The following AMOTL2 variants were observed in gnomAD, a reference collection of about 807,000 sequenced individuals.
The protein encoded by AMOTL2 is angiomotin-like protein 2.
In AMOTL2, 33 loss-of-function variants were observed where a neutral mutation model predicts 78.4. The observed-to-expected ratio is 0.42, with a 90% confidence interval of 0.32 to 0.56. The LOEUF (loss-of-function observed/expected upper bound fraction) is 0.56. Ranked by LOEUF, AMOTL2 falls within the 20% of genes least tolerant of loss-of-function variation. The pLI is 0.12. For missense variants in AMOTL2, 983 were observed against 1,030.1 expected, an observed-to-expected ratio of 0.95 and a Z score of 0.63; for synonymous variants, 422 against 428.8, an observed-to-expected ratio of 0.98 and a Z score of 0.20.
intron 6 of AMOTL2, among the ~76,000 whole-genome samples, chr3:134,360,913 C>A (rs2017328134): frequency 6.6e-6 from 1 of 152,226 alleles, no homozygotes; most frequent in South Asian, 2.1e-4. Flanking sequence ...GTGGCTCATG[C>A]CTGTAATCCC....
chr3:134,362,865 G>C (rs371823459), intron 5 of AMOTL2, among the ~76,000 whole-genome samples: 4 of 152,142 alleles, frequency 2.6e-5, no homozygotes, highest in Non-Finnish European at 4.4e-5. Flanking sequence ...AGAGCAGGTG[G>C]GGGGCAGGGC....
At chr3:134,370,409 T>C (rs540258961) in intron 2 of AMOTL2, among the ~76,000 whole-genome samples, 32 of 152,232 alleles carry the variant, frequency 2.1e-4, no homozygotes, top group Admixed American at 4.6e-4. Context: ...AAATCTAACC[T>C]TTAACCCCCT....
chr3:134,374,913 G>A, upstream of AMOTL2: 1 of 1,274,676 alleles, frequency 7.8e-7, no homozygotes, highest in Non-Finnish European at 9.9e-7. Context: ...GTGTGTGTGT[G>A]TGTGTGTGTG....
chr3:134,373,222 A>C lies in AMOTL2; in HGVS notation c.-62+1120T>G, dbSNP rs182417630. Among the ~76,000 whole-genome samples the C allele has an allele frequency of 7.8e-4, 118 of 152,088 alleles. 1 individual carries two copies. The highest frequency in any genetic ancestry group is 1.2e-3 in the Non-Finnish European group (84 of 67,996). On this transcript the variant is annotated intron_variant, in intron 1 of 9. Coordinates refer to ENST00000249883, the MANE Select transcript of AMOTL2 (RefSeq NM_016201.4). The stretch of plus-strand genomic sequence containing the variant: ...ACCCGAGGCAAAGCAAGCAAATGGG[A>C]TTCAATTCGTATGGGATTCAGTTCG...
rs1445771301 is a variant in AMOTL2 at position 134,368,270 on chromosome 3, G to A, written c.735-467C>T. 2.0e-5 allele frequency among the ~76,000 whole-genome samples: 3 copies of A among 152,284 alleles called. No homozygotes were observed. In the East Asian group the frequency reaches 5.8e-4, roughly 29 times the overall value. On this transcript the variant is annotated intron_variant, in intron 2 of 9. Transcript: ENST00000249883. Reference sequence around the variant, plus strand: ...ACCTTCCAGGCCCCAGGACAACTTTGGTGGCTGGGCCCCAGCAGCAACCTT... The same window carrying A: ...ACCTTCCAGGCCCCAGGACAACTTTAGTGGCTGGGCCCCAGCAGCAACCTT...
chr3:134,358,497 C>G (rs768856446), intron 9 of AMOTL2, 43 bp downstream of exon 9: 1 of 1,581,150 alleles, frequency 6.3e-7, no homozygotes, highest in African/African-American at 1.4e-5. Flanking sequence ...CCCAGTGCCC[C>G]CTCGGCCCTA....
At chr3:134,357,948 C>A (rs2017145639) in intron 9 of AMOTL2, among the ~76,000 whole-genome samples, 185 bp from the exon 10 acceptor site, 2 of 152,228 alleles carry the variant, frequency 1.3e-5, no homozygotes, top group Admixed American at 1.3e-4. Context: ...GCCCAGCCCA[C>A]CAACCTCCGA....
At chr3:134,366,713 C>T (rs2017621313) in intron 3 of AMOTL2, 1 of 335,010 alleles carries the variant, frequency 3.0e-6, no homozygotes, top group African/African-American at 2.1e-5. Context: ...GGTGACTAAA[C>T]ACAGCTTCCC....
Position 134,371,452 on chromosome 3 carries a change from C to G in AMOTL2, c.-19G>C. On this transcript the variant is annotated 5_prime_UTR_variant, in exon 2 of 10. Coordinates refer to ENST00000249883, the MANE Select transcript of AMOTL2 (RefSeq NM_016201.4). ...TCCTCATGCTTCTTTGGCTTGCACA[C>G]AGCTGCCTGGACAATGGCCGGTGGC... 3.1e-6 allele frequency: 5 copies of G among 1,598,162 alleles called. No homozygotes were observed. The highest frequency in any genetic ancestry group is 1.7e-4 in the Middle Eastern group (1 of 5,970).
intron 3 of AMOTL2, chr3:134,366,754 C>T (rs752349918): frequency 1.3e-5 from 3 of 228,110 alleles, no homozygotes; most frequent in Non-Finnish European, 2.5e-5. Context: ...AAACATTCTA[C>T]TCTTGGCTGG....
At position 134,358,658 on chromosome 3, in the gene AMOTL2, G is replaced by A. The variant is rs138321477; in HGVS notation, c.2166C>T (p.His722=). 161 of 1,613,780 alleles carry A rather than the reference G, an allele frequency of 1.0e-4. 1 individual carries two copies. The African/African-American group carries it at 1.3e-3, about 13-fold the overall frequency. ...VTAPPAAHAK[H]GSRDGSTQTE... ...TCTGGGTGCTCCCATCTCTGCTCCC[G>A]TGTTTGGCATGGGCAGCAGGGGGAG... Residue 722 remains histidine (H), a synonymous_variant, in exon 9 of 10, where the codon CAC becomes CAT. Transcript: ENST00000249883.
intron 2 of AMOTL2, 117 bp downstream of exon 2, chr3:134,370,583 G>A: frequency 7.6e-7 from 1 of 1,309,604 alleles, no homozygotes. Flanking sequence ...TCTCAGGTTG[G>A]AGGTGGGGTG....
At chr3:134,366,026 G>A in intron 4 of AMOTL2, 117 bp from the exon 5 acceptor site, 2 of 1,194,694 alleles carry the variant, frequency 1.7e-6, no homozygotes, top group Non-Finnish European at 2.4e-6. Flanking sequence ...GGTTCATAAG[G>A]AAACCCCAGC....
intron 3 of AMOTL2, among the ~76,000 whole-genome samples, 160 bp downstream of exon 3, chr3:134,367,337 G>A (rs1300498943): frequency 1.3e-5 from 2 of 152,184 alleles, no homozygotes; most frequent in African/African-American, 4.8e-5. Flanking sequence ...CAGCTCAGGA[G>A]GGTGCATGAG....
chr3:134,359,471 T>G lies in AMOTL2; in HGVS notation c.1916A>C (p.Lys639Thr), dbSNP rs982390997. The G allele has an allele frequency of 6.2e-7, 1 of 1,614,004 alleles. No homozygotes were observed. Among genetic ancestry groups the G allele is most frequent in the Non-Finnish European group, 8.5e-7 (1 of 1,179,980 alleles). ...LKVLHAQILE[K>T]DAVIKVLQQR... The stretch of plus-strand genomic sequence containing the variant: ...CTGAAGGACCTTGATCACTGCATCC[T>G]TCTCCAGGATCTGGGCATGGAGCAC... Residue 639 changes from lysine to threonine, a missense_variant, in exon 8 of 10, where the codon AAG (lysine) becomes ACG (threonine). Lys to Thr is a moderately conservative substitution (Grantham distance 78). Coordinates refer to ENST00000249883, the MANE Select transcript of AMOTL2 (RefSeq NM_016201.4).
In AMOTL2 at chr3:134,357,533, C is replaced by T. The variant is rs187906853; in HGVS notation, c.*172G>A. ...GGGTGCCGGTGCTCTCACAGCTCTC[C>T]TCTCCCCTGGGGTCCTCCTCCTGAG... is the stretch of plus-strand genomic sequence containing the variant. On this transcript the variant is annotated 3_prime_UTR_variant, in exon 10 of 10. Coordinates refer to ENST00000249883, the MANE Select transcript of AMOTL2 (RefSeq NM_016201.4). The T allele has an allele frequency of 1.2e-4, 83 of 683,086 alleles. No homozygotes were observed. The highest frequency in any genetic ancestry group is 6.3e-4 in the Admixed American group (27 of 42,900). The allele number at this position is 683,086 out of a possible 1,614,324, so 42.3% of individuals were successfully genotyped here.
intron 5 of AMOTL2, among the ~76,000 whole-genome samples, chr3:134,362,516 A>T (rs1022797278): frequency 2.6e-5 from 4 of 152,314 alleles, no homozygotes; most frequent in African/African-American, 7.2e-5. Context: ...ACCCAGGCCG[A>T]GAGGTCCGTT....
At chr3:134,372,530 A>AAC (rs58443336) in intron 1 of AMOTL2, among the ~76,000 whole-genome samples, 3,429 of 144,418 alleles carry the variant, frequency 0.024, 109 homozygotes, top group African/African-American at 0.075. Flanking sequence ...TATCCTCCCC[A>AAC]ACACACACAC....
rs572971240 is a variant in AMOTL2 at position 134,356,787 on chromosome 3, G to T, written c.*918C>A. The T allele has an allele frequency of 2.6e-5, 4 of 152,684 alleles. No homozygotes were observed. Among genetic ancestry groups the T allele is most frequent in the African/African-American group, 9.7e-5 (4 of 41,438 alleles). 9.5% of individuals were successfully genotyped at this position (152,684 alleles called of 1,614,324 possible). ...TCAGGGTTTATGACCAAACTGACAG[G>T]ATGTTCCAGGGACAGGAGCTGTGGA... On this transcript the variant is annotated 3_prime_UTR_variant, in exon 10 of 10. Coordinates refer to ENST00000249883, the MANE Select transcript of AMOTL2 (RefSeq NM_016201.4).
Sources: gnomAD v4.1 joint callset for allele counts (sites outside exome capture counted in the v4.1 genomes callset) on GRCh38, gnomAD v4.1.1 for gene constraint, MANE v1.5 for transcripts, NCBI Gene and HGNC (gene_info 2026-07-23, HGNC 2026-07-21) for gene names.